The following TRIP12 variants were observed in gnomAD, a reference collection of about 807,000 sequenced individuals.
The protein encoded by TRIP12 is thyroid hormone receptor interactor 12, also known as E3 ubiquitin-protein ligase TRIP12.
Under a neutral mutation model 244.2 loss-of-function variants are expected in TRIP12, and 25 were observed. That is an observed-to-expected ratio of 0.10 (90% CI 0.07 to 0.14). The LOEUF is 0.14. Ranked by LOEUF, TRIP12 falls within the 10% of genes least tolerant of loss-of-function variation. TRIP12 has a pLI of 1.00. For synonymous variants in TRIP12, 905 were observed against 873.1 expected, an observed-to-expected ratio of 1.04 and a Z score of -0.64; for missense variants, 1,677 against 2,486.4, an observed-to-expected ratio of 0.67 and a Z score of 6.92.
chr2:229,771,441 G>T, intron 39 of TRIP12, 78 bp downstream of exon 39: 1 of 1,240,180 alleles, frequency 8.1e-7, no homozygotes, highest in Non-Finnish European at 1.2e-6. Context: ...GCAACAATAC[G>T]GTCTTTGACT....
intron 37 of TRIP12, 104 bp downstream of exon 37, chr2:229,777,207 AAAAT>A (rs2154243645): frequency 7.9e-7 from 1 of 1,271,320 alleles, no homozygotes; most frequent in East Asian, 2.4e-5. Flanking sequence ...AAAATCTTCT[AAAAT>A]AAAACATTAA....
At chr2:229,824,503 C>A (rs1372896923) in intron 8 of TRIP12, among the ~76,000 whole-genome samples, 2 of 152,014 alleles carry the variant, frequency 1.3e-5, no homozygotes, top group Non-Finnish European at 1.5e-5. Context: ...TTCACTGAAG[C>A]CTTGCCAATA....
chr2:229,879,330 G>C lies in TRIP12; in HGVS notation c.98+652C>G, dbSNP rs139775321. ...TCCCAAAATTAGAGAACTAGGCCTT[G>C]CAAGAAGAGTTCTGAGTATTTTTTA... On this transcript the variant is annotated intron_variant, in intron 2 of 41. Transcript: ENST00000675903. 6.8e-4 allele frequency among the ~76,000 whole-genome samples: 103 copies of C among 152,328 alleles called. 2 individuals carry two copies. In the East Asian group the frequency reaches 0.019, roughly 28 times the overall value.
intron 1 of TRIP12, among the ~76,000 whole-genome samples, chr2:229,913,589 G>A (rs1014221962): frequency 1.3e-5 from 2 of 152,152 alleles, no homozygotes; most frequent in African/African-American, 2.4e-5. Context: ...ATTTTAATGA[G>A]CCTAATTTTG....
chr2:229,803,915 T>G (rs2045155460), intron 19 of TRIP12, 84 bp downstream of exon 19: 1 of 1,261,878 alleles, frequency 7.9e-7, no homozygotes. Context: ...GTGCATATTT[T>G]TTCTATTATT....
rs765636286 is a variant in TRIP12 at position 229,807,815 on chromosome 2, T to C, written c.2389A>G (p.Met797Val). The change falls in exon 17 of 42, where the codon ATG becomes GTG. Residue 797 changes from methionine (M) to valine (V), a missense_variant. This residue lies in a region of TRIP12 where 572 missense variants were observed against 867.8 expected (regional missense o/e 0.66). Transcript: ENST00000675903. ...PKEGIFAVDT[M>V]LKKGNAQNTD... Reference sequence around the variant, plus strand: ...TTCTGTGCATTTCCCTTCTTCAACATGGTATCAACTGCAAAAATGCCTTCT... The same window carrying C: ...TTCTGTGCATTTCCCTTCTTCAACACGGTATCAACTGCAAAAATGCCTTCT... 63 of 1,614,136 alleles carry C rather than the reference T, an allele frequency of 3.9e-5. No individual in the cohort carries two copies. The highest frequency in any genetic ancestry group is 1.6e-4 in the Middle Eastern group (1 of 6,062).
At chr2:229,773,670 G>A (rs559551133) in intron 38 of TRIP12, 1 of 158,116 alleles carries the variant, frequency 6.3e-6, no homozygotes, top group South Asian at 1.8e-4. Context: ...TTACAGGCGT[G>A]AGCCACTGCA....
Position 229,797,777 on chromosome 2 carries a change from A to G in TRIP12, c.3537T>C (p.Tyr1179=), listed in dbSNP as rs549178768. 1 of 1,614,038 alleles carries G rather than the reference A, an allele frequency of 6.2e-7. No individual in the cohort carries two copies. Among genetic ancestry groups the G allele is most frequent in the South Asian group, 1.1e-5 (1 of 91,032 alleles). ...TTCCATCCATATTCTCAGAACTGAA[A>G]TAACGTTCTACAAATTTATGTGCCT... ...KEQAHKFVER[Y]FSSENMDGSN... The change falls in exon 24 of 42, where the codon TAT becomes TAC. Residue 1179 remains tyrosine, a synonymous_variant. Transcript: ENST00000675903.
At chr2:229,846,086 G>T (rs1021704889) in intron 4 of TRIP12, among the ~76,000 whole-genome samples, 4 of 151,120 alleles carry the variant, frequency 2.6e-5, no homozygotes, top group African/African-American at 9.7e-5. Flanking sequence ...ATGGAAAGAT[G>T]CTGTAGACAT....
chr2:229,922,245 A>G, upstream of TRIP12: 1 of 466,572 alleles, frequency 2.1e-6, no homozygotes, highest in South Asian at 2.5e-5. Flanking sequence ...GACTGTGGAG[A>G]TCTACTTGGT....
At position 229,868,352 on chromosome 2, in the gene TRIP12, C is replaced by T. The variant is rs115123703; in HGVS notation, c.99-7821G>A. Among the ~76,000 whole-genome samples the T allele has an allele frequency of 6.4e-3, 968 of 152,198 alleles. 8 individuals carry two copies. Among genetic ancestry groups the T allele is most frequent in the African/African-American group, 0.022 (911 of 41,512 alleles). On this transcript the variant is annotated intron_variant, in intron 2 of 41. Coordinates refer to ENST00000675903, the MANE Select transcript of TRIP12 (RefSeq NM_001348323.3). The stretch of plus-strand genomic sequence containing the variant: ...AAGTAGCTGGGACTACAGACACTTA[C>T]GACCACACCTGGCTAATTTACTGTA...
At chr2:229,797,937 G>T in intron 23 of TRIP12, 106 bp from the exon 24 acceptor site, 1 of 1,192,716 alleles carries the variant, frequency 8.4e-7, no homozygotes, top group Non-Finnish European at 1.2e-6. Flanking sequence ...CCTGGTCTAT[G>T]CTTACAGTTT....
chr2:229,911,160 G>A (rs1355009092), intron 1 of TRIP12, among the ~76,000 whole-genome samples: 13 of 152,180 alleles, frequency 8.5e-5, no homozygotes, highest in African/African-American at 2.4e-4. Flanking sequence ...TAGACTTCAC[G>A]AATATTTTTA....
At chr2:229,891,665 T>C (rs550304955) in intron 1 of TRIP12, among the ~76,000 whole-genome samples, 9 of 152,152 alleles carry the variant, frequency 5.9e-5, no homozygotes, top group Non-Finnish European at 7.4e-5. Flanking sequence ...ATAACTATTT[T>C]TCTAGTATCA....
At chr2:229,919,731 A>G (rs2076145363) in intron 1 of TRIP12, among the ~76,000 whole-genome samples, 1 of 152,252 alleles carries the variant, frequency 6.6e-6, no homozygotes, top group Admixed American at 6.5e-5. Flanking sequence ...AATGGAAACA[A>G]TGATAATCTT....
chr2:229,842,806 AT>A (rs2056767037), intron 4 of TRIP12, among the ~76,000 whole-genome samples: 1 of 152,164 alleles, frequency 6.6e-6, no homozygotes, highest in Admixed American at 6.5e-5. Context: ...GTGATGACAT[AT>A]TTTTTAATCA....
intron 6 of TRIP12, among the ~76,000 whole-genome samples, chr2:229,831,491 T>C (rs567081443): frequency 6.6e-6 from 1 of 152,248 alleles, no homozygotes; most frequent in African/African-American, 2.4e-5. Flanking sequence ...CCGGGCAATA[T>C]AGTGAGACTT....
At position 229,792,180 on chromosome 2, in the gene TRIP12, T is replaced by A; in HGVS notation, c.4188A>T (p.Gly1396=). The A allele has an allele frequency of 6.2e-7, 1 of 1,614,044 alleles. No individual in the cohort carries two copies. The highest frequency in any genetic ancestry group is 2.2e-5 in the East Asian group (1 of 44,876). ...REDDEDSDDD[G]SDEEIDESLA... The stretch of plus-strand genomic sequence containing the variant: ...GAGACTCATCTATTTCCTCATCTGA[T>A]CCATCGTCATCGCTGTCTTCATCAT... Residue 1396 remains glycine (G), a synonymous_variant, in exon 28 of 42, where the codon GGA becomes GGT. Transcript: ENST00000675903.
intron 1 of TRIP12, among the ~76,000 whole-genome samples, chr2:229,897,318 A>G (rs1026130807): frequency 2.0e-5 from 3 of 152,216 alleles, no homozygotes; most frequent in Admixed American, 2.0e-4. Context: ...ATTTTAAAAC[A>G]CTTCTCTCAG....
Sources: allele counts gnomAD v4.1 joint callset (sites outside exome capture counted in the v4.1 genomes callset), GRCh38; gene constraint gnomAD v4.1.1; regional missense constraint gnomAD v4.1.1; transcripts MANE v1.5; gene names NCBI Gene and HGNC (gene_info 2026-07-23, HGNC 2026-07-21).